The following USP10 variants were observed in gnomAD, a reference collection of about 807,000 sequenced individuals.
USP10 encodes ubiquitin specific peptidase 10.
Under a neutral mutation model 84.5 loss-of-function variants are expected in USP10, and 22 were observed. The ratio of observed to expected loss-of-function variants is 0.26; its 90% CI spans 0.19 to 0.37. The LOEUF (loss-of-function observed/expected upper bound fraction) is 0.37. Ranked by LOEUF, USP10 falls within the 10% of genes least tolerant of loss-of-function variation. USP10 has a pLI of 1.00. For missense variants in USP10, 1,019 were observed against 998.9 expected, an observed-to-expected ratio of 1.02 and a Z score of -0.27; for synonymous variants, 454 against 387.6, an observed-to-expected ratio of 1.17 and a Z score of -2.01.
intron 11 of USP10, among the ~76,000 whole-genome samples, chr16:84,770,313 C>T (rs1914296907): frequency 6.6e-6 from 1 of 151,938 alleles, no homozygotes; most frequent in Non-Finnish European, 1.5e-5. Flanking sequence ...TACATATTTT[C>T]TTGAATGTGT....
At chr16:84,772,430 G>A in intron 11 of USP10, 111 bp from the exon 12 acceptor site, 1 of 1,472,442 alleles carries the variant, frequency 6.8e-7, no homozygotes, top group Non-Finnish European at 9.3e-7. Flanking sequence ...TCCTGCCACA[G>A]GACTCTTGGG....
At position 84,730,072 on chromosome 16, in the gene USP10, C is replaced by T. The variant is rs187305206; in HGVS notation, c.22-3363C>T. ...TTTTGAATAAAGTATGTAGTCCCCT[C>T]CCAAGAAAACCCTCCAAAAAACGTG... On this transcript the variant is annotated intron_variant, in intron 1 of 13. Transcript: ENST00000219473. Among the ~76,000 whole-genome samples, 7 of 152,252 alleles carry T rather than the reference C, an allele frequency of 4.6e-5. No individual in the cohort carries two copies. In the East Asian group the frequency reaches 1.2e-3, roughly 25 times the overall value.
intron 2 of USP10, among the ~76,000 whole-genome samples, chr16:84,735,589 C>T (rs928988668): frequency 3.9e-5 from 6 of 152,026 alleles, no homozygotes; most frequent in Non-Finnish European, 8.8e-5. Context: ...GTTGGGAAAT[C>T]AGCTAATGTA....
chr16:84,701,934 C>CTTT (rs749796171), intron 1 of USP10, among the ~76,000 whole-genome samples: 956 of 92,658 alleles, frequency 0.01, 76 homozygotes, highest in African/African-American at 0.033. Flanking sequence ...TAATTTTCTT[C>CTTT]TTCTTTTTTT....
At position 84,759,401 on chromosome 16, in the gene USP10, C is replaced by T. The variant is rs1297444457; in HGVS notation, c.1323C>T (p.His441=). 6.2e-7 allele frequency: 1 copy of T among 1,613,878 alleles called. No homozygotes were observed. The highest frequency in any genetic ancestry group is 8.5e-7 in the Non-Finnish European group (1 of 1,179,894). ...QALVACPPMY[H]LMKFIPLYSK... ...TGGTTGCTTGCCCGCCGATGTACCA[C>T]CTGATGAAGTTCATTCCTCTGTATT... The change falls in exon 6 of 14, where the codon CAC becomes CAT. Residue 441 remains histidine (H), a synonymous_variant. Transcript: ENST00000219473.
intron 12 of USP10, among the ~76,000 whole-genome samples, chr16:84,773,719 C>G (rs1164684880): frequency 6.6e-6 from 1 of 152,160 alleles, no homozygotes; most frequent in East Asian, 1.9e-4. Flanking sequence ...AAGAAAGATG[C>G]CAGTGAGAAT....
intron 7 of USP10, 23 bp from the exon 8 acceptor site, chr16:84,760,149 C>T (rs528484567): frequency 6.3e-7 from 1 of 1,586,748 alleles, no homozygotes; most frequent in Admixed American, 1.8e-5. Flanking sequence ...GTTAGGAAAA[C>T]CTGTGTCCTC....
At chr16:84,735,688 A>G (rs1454916474) in intron 2 of USP10, among the ~76,000 whole-genome samples, 2 of 152,198 alleles carry the variant, frequency 1.3e-5, no homozygotes, top group African/African-American at 4.8e-5. Flanking sequence ...TTATTCACAG[A>G]AGACGTGACT....
At chr16:84,756,981 CA>C (rs1303966920) in intron 4 of USP10, among the ~76,000 whole-genome samples, 1 of 152,198 alleles carries the variant, frequency 6.6e-6, no homozygotes, top group Non-Finnish European at 1.5e-5. Flanking sequence ...CCTCTTGAGT[CA>C]GGTGGACCCA....
intron 1 of USP10, among the ~76,000 whole-genome samples, chr16:84,723,146 GT>G (rs36122502): frequency 0.21 from 30,380 of 141,916 alleles, 3,949 homozygotes; most frequent in African/African-American, 0.4. Flanking sequence ...CACATCCAGG[GT>G]TTTTTTTTTT....
At position 84,706,398 on chromosome 16, in the gene USP10, CAA is replaced by C. The variant is rs528230761; in HGVS notation, c.21+6289_21+6290del. 4.0e-4 allele frequency among the ~76,000 whole-genome samples: 60 copies of C among 151,726 alleles called. No homozygotes were observed. The East Asian group carries it at 0.011, about 29-fold the overall frequency. On this transcript the variant is annotated intron_variant, in intron 1 of 13. Coordinates refer to ENST00000219473, the MANE Select transcript of USP10 (RefSeq NM_005153.3). ...TCACAGCAAAATTGAGAGAAAAGTACAAAGAGTTCCTATATACCCCTTCTCTT... is the reference window on the plus strand; with the variant it reads ...TCACAGCAAAATTGAGAGAAAAGTACAGAGTTCCTATATACCCCTTCTCTT...
intron 1 of USP10, among the ~76,000 whole-genome samples, chr16:84,723,117 G>A (rs1304588412): frequency 6.6e-6 from 1 of 151,564 alleles, no homozygotes; most frequent in Admixed American, 6.6e-5. Flanking sequence ...AGGATTGACC[G>A]GCTCCGATAC....
chr16:84,771,905 T>C (rs539306005), intron 11 of USP10, among the ~76,000 whole-genome samples: 1 of 152,158 alleles, frequency 6.6e-6, no homozygotes, highest in South Asian at 2.1e-4. Context: ...ATAAATAAGG[T>C]GGTACTAAGT....
chr16:84,760,214 C>T lies in USP10; in HGVS notation c.1493C>T (p.Ala498Val), dbSNP rs371707239. The change falls in exon 8 of 14, where the codon GCC (alanine) becomes GTC (valine). Residue 498 changes from alanine to valine, a missense_variant. Physicochemically the swap from Ala to Val is moderately conservative, Grantham distance 64. This residue lies in a region of USP10 where 787 missense variants were observed against 708.8 expected (regional missense o/e 1.11). Coordinates refer to ENST00000219473, the MANE Select transcript of USP10 (RefSeq NM_005153.3). Reference protein sequence around the residue: ...KIVRDIRPGAAFEPTYIYRLL... With the variant: ...KIVRDIRPGAVFEPTYIYRLL... ...GTGAGGGATATTCGCCCTGGAGCTG[C>T]CTTTGAGCCCACATATATTTACAGA... The T allele has an allele frequency of 6.2e-7, 1 of 1,611,020 alleles. No homozygotes were observed. The highest frequency in any genetic ancestry group is 1.3e-5 in the African/African-American group (1 of 74,878).
intron 2 of USP10, among the ~76,000 whole-genome samples, chr16:84,736,015 TGA>T (rs760466486): frequency 6.6e-5 from 10 of 150,802 alleles, no homozygotes; most frequent in Non-Finnish European, 1.0e-4. Flanking sequence ...TGTGGGTGTG[TGA>T]GTGGCGAGGG....
chr16:84,763,456 C>T (rs111315175), intron 9 of USP10, among the ~76,000 whole-genome samples: 293 of 152,268 alleles, frequency 1.9e-3, no homozygotes, highest in African/African-American at 6.4e-3. Flanking sequence ...TACATACATA[C>T]GCATACATTT....
chr16:84,768,053 A>G, intron 10 of USP10, 140 bp from the exon 11 acceptor site: 2 of 838,306 alleles, frequency 2.4e-6, no homozygotes, highest in Non-Finnish European at 1.8e-6. Flanking sequence ...TAAATTCAGT[A>G]TATTTTTGGC....
intron 10 of USP10, among the ~76,000 whole-genome samples, chr16:84,767,312 T>C (rs1292546636): frequency 6.6e-6 from 1 of 151,596 alleles, no homozygotes; most frequent in Non-Finnish European, 1.5e-5. Flanking sequence ...AACACACAAT[T>C]TTTACTCAGA....
chr16:84,761,334 G>A (rs1046950119), intron 8 of USP10, among the ~76,000 whole-genome samples: 4 of 152,170 alleles, frequency 2.6e-5, no homozygotes, highest in Non-Finnish European at 5.9e-5. Flanking sequence ...TCTTCTAAAG[G>A]TTACATTAAT....
Sources: allele counts gnomAD v4.1 joint callset (sites outside exome capture counted in the v4.1 genomes callset), GRCh38; gene constraint gnomAD v4.1.1; regional missense constraint gnomAD v4.1.1; transcripts MANE v1.5; gene names NCBI Gene and HGNC (gene_info 2026-07-23, HGNC 2026-07-21).